Variants in PEX7 observed in about 807,000 individuals in gnomAD.
PEX7 encodes PTS2 receptor.
Under a neutral mutation model 47.5 loss-of-function variants are expected in PEX7, and 34 were observed. The ratio of observed to expected loss-of-function variants is 0.72; its 90% CI spans 0.54 to 0.95. The LOEUF is 0.95. Ranked by LOEUF, PEX7 falls within the 40% of genes least tolerant of loss-of-function variation. The probability of loss-of-function intolerance (pLI) is 0.00; values close to 1 mark genes in which losing one functional copy is unlikely to be tolerated. For synonymous variants in PEX7, 141 were observed against 148.8 expected (o/e 0.95, Z 0.38); for missense variants, 394 against 400.3 (o/e 0.98, Z 0.13).
intron 9 of PEX7, among the ~76,000 whole-genome samples, chr6:136,911,547 A>G (rs1775933098): frequency 6.6e-6 from 1 of 152,022 alleles, no homozygotes; most frequent in African/African-American, 2.4e-5. Context: ...CTGGGATTAC[A>G]GGTGCACACC....
chr6:136,839,253 A>T (rs1403149442), intron 3 of PEX7, among the ~76,000 whole-genome samples: 1 of 152,242 alleles, frequency 6.6e-6, no homozygotes, highest in African/African-American at 2.4e-5. Flanking sequence ...CTAATCACTC[A>T]GTAATTAAAA....
chr6:136,908,936 C>T (rs1475971374), intron 9 of PEX7, among the ~76,000 whole-genome samples: 1 of 152,212 alleles, frequency 6.6e-6, no homozygotes, highest in African/African-American at 2.4e-5. Flanking sequence ...TTAGATACTA[C>T]TTCCACCTGA....
chr6:136,866,094 T>C (rs985706009), intron 5 of PEX7, among the ~76,000 whole-genome samples: 1 of 151,530 alleles, frequency 6.6e-6, no homozygotes, highest in African/African-American at 2.4e-5. Flanking sequence ...AATAAATAAA[T>C]AAATACATAA....
chr6:136,829,990 T>C, intron 3 of PEX7: 1 of 701,648 alleles, frequency 1.4e-6, no homozygotes, highest in Non-Finnish European at 2.6e-6. Flanking sequence ...AATTTCTGTT[T>C]TTTTTTTTTC....
intron 8 of PEX7, among the ~76,000 whole-genome samples, chr6:136,890,876 G>C (rs1775541319): frequency 6.6e-6 from 1 of 152,026 alleles, no homozygotes; most frequent in African/African-American, 2.4e-5. Flanking sequence ...GGTGCATTTT[G>C]GTGCTACCAG....
At position 136,839,140 on chromosome 6, in the gene PEX7, G is replaced by A. The variant is rs574251205; in HGVS notation, c.340-6475G>A. ...AGGCTGCAGTGAGCTGTGCTCGTTCGTGGCACTGCACTCCAGCCTGGGTAA... is the reference window on the plus strand; with the variant it reads ...AGGCTGCAGTGAGCTGTGCTCGTTCATGGCACTGCACTCCAGCCTGGGTAA... On this transcript the variant is annotated intron_variant, in intron 3 of 9. Transcript: ENST00000318471. Among the ~76,000 whole-genome samples the A allele has an allele frequency of 3.9e-5, 6 of 152,106 alleles. No homozygotes were observed. The East Asian group carries it at 7.7e-4, about 20-fold the overall frequency.
chr6:136,885,936 C>T (rs531795608), intron 8 of PEX7, among the ~76,000 whole-genome samples: 3 of 152,208 alleles, frequency 2.0e-5, no homozygotes, highest in African/African-American at 7.2e-5. Flanking sequence ...GCTAATAGTA[C>T]CCACCACATG....
intron 8 of PEX7, among the ~76,000 whole-genome samples, chr6:136,890,665 C>CCT (rs1468081850): frequency 6.6e-6 from 1 of 152,120 alleles, no homozygotes; most frequent in Non-Finnish European, 1.5e-5. Flanking sequence ...TACATGACAG[C>CCT]CTGAGTAGGT....
intron 9 of PEX7, 30 bp from the exon 10 acceptor site, chr6:136,913,428 G>T (rs373797091): frequency 4.6e-6 from 7 of 1,525,514 alleles, no homozygotes; most frequent in East Asian, 2.3e-5. Flanking sequence ...GTCTAAATAC[G>T]TTTCTTCTTA....
intron 8 of PEX7, among the ~76,000 whole-genome samples, chr6:136,878,108 C>T (rs377008020): frequency 6.6e-6 from 1 of 152,222 alleles, no homozygotes; most frequent in African/African-American, 2.4e-5. Context: ...CTGTGTTTGT[C>T]TATTATTGGT....
chr6:136,885,545 A>G (rs1487071359), intron 8 of PEX7, among the ~76,000 whole-genome samples: 2 of 152,228 alleles, frequency 1.3e-5, no homozygotes, highest in Non-Finnish European at 2.9e-5. Context: ...TTTGGTGACA[A>G]AATTGTACAA....
At chr6:136,887,553 A>G (rs528355608) in intron 8 of PEX7, among the ~76,000 whole-genome samples, 1 of 152,208 alleles carries the variant, frequency 6.6e-6, no homozygotes, top group Non-Finnish European at 1.5e-5. Context: ...ACAAATTATG[A>G]TGTCTGCAGT....
In PEX7 at chr6:136,846,195, T is replaced by C. The variant is rs73777756; in HGVS notation, c.526+14T>C. The C allele has an allele frequency of 5.0e-4, 763 of 1,526,740 alleles. 4 individuals are homozygous for C. The African/African-American group carries it at 8.3e-3, about 17-fold the overall frequency. 94.6% of individuals were successfully genotyped at this position (1,526,740 alleles called of 1,614,324 possible). ...CTTCAGCCTCAGGTAAATTATTCTGTATTTACCAAAAGCCTTACTTGTAGT... is the reference window on the plus strand; with the variant it reads ...CTTCAGCCTCAGGTAAATTATTCTGCATTTACCAAAAGCCTTACTTGTAGT... On this transcript the variant is annotated intron_variant, in intron 5 of 9. Coordinates refer to ENST00000318471, the MANE Select transcript of PEX7 (RefSeq NM_000288.4).
In PEX7 at chr6:136,869,974, GGTC is replaced by G; in HGVS notation, c.719_721del (p.Gly240_His241delinsAsp). ...ACGACAACCAGTGTTTGAACTTCTT[GGTC>G]ATACCTATGCTATTAGGAGGGTGAA... On this transcript the variant is annotated inframe_deletion, in exon 7 of 10. Coordinates refer to ENST00000318471, the MANE Select transcript of PEX7 (RefSeq NM_000288.4). The G allele has an allele frequency of 6.2e-7, 1 of 1,613,126 alleles. No homozygotes were observed. The highest frequency in any genetic ancestry group is 8.5e-7 in the Non-Finnish European group (1 of 1,179,198).
At chr6:136,907,458 G>T (rs1020775304) in intron 9 of PEX7, among the ~76,000 whole-genome samples, 1 of 151,572 alleles carries the variant, frequency 6.6e-6, no homozygotes, top group Non-Finnish European at 1.5e-5. Context: ...TGTCTTGGCT[G>T]CTTTTTCAAA....
At chr6:136,908,437 AT>A (rs773001845) in intron 9 of PEX7, among the ~76,000 whole-genome samples, 2 of 151,012 alleles carry the variant, frequency 1.3e-5, no homozygotes, top group African/African-American at 4.9e-5. Flanking sequence ...TTGACAAACC[AT>A]TTTTTTTTCT....
intron 5 of PEX7, chr6:136,855,704 T>G: frequency 2.9e-6 from 1 of 346,486 alleles, no homozygotes; most frequent in South Asian, 2.6e-5. Context: ...TTCAGTTTGT[T>G]TTCTCTGACA....
At chr6:136,845,815 A>C in intron 4 of PEX7, 123 bp downstream of exon 4, 1 of 740,600 alleles carries the variant, frequency 1.4e-6, no homozygotes, top group Non-Finnish European at 2.4e-6. Context: ...CTTTCTTTTA[A>C]AAAAAAAATT....
At chr6:136,856,429 T>C (rs189767227) in intron 5 of PEX7, among the ~76,000 whole-genome samples, 14 of 152,332 alleles carry the variant, frequency 9.2e-5, no homozygotes, top group African/African-American at 3.1e-4. Flanking sequence ...CTCTGTCTTC[T>C]GTTGTGCTGG....
Sources: gnomAD v4.1 joint callset for allele counts (sites outside exome capture counted in the v4.1 genomes callset) on GRCh38, gnomAD v4.1.1 for gene constraint, MANE v1.5 for transcripts, NCBI Gene and HGNC (gene_info 2026-07-23, HGNC 2026-07-21) for gene names.